HGF: variants seen among roughly 807,000 people sequenced by gnomAD.
HGF encodes fibroblast-derived tumor cytotoxic factor.
In HGF, 39 loss-of-function variants were observed where a neutral mutation model predicts 111.6. The ratio of observed to expected loss-of-function variants is 0.35; its 90% CI spans 0.27 to 0.46. HGF has a LOEUF of 0.46. Among genes scored for constraint, HGF ranks in the 20% least tolerant of loss-of-function variants. The pLI, the probability that HGF is intolerant of heterozygous loss-of-function variation, is 1.00. For missense variants in HGF, 735 were observed against 910.5 expected, an observed-to-expected ratio of 0.81 and a Z score of 2.48; for synonymous variants, 285 against 294.8, an observed-to-expected ratio of 0.97 and a Z score of 0.34.
intron 6 of HGF, 100 bp downstream of exon 6, chr7:81,744,900 G>A (rs750954731): frequency 1.7e-4 from 226 of 1,309,936 alleles, no homozygotes; most frequent in Non-Finnish European, 2.3e-4. Context: ...ATGTCCTATC[G>A]GGAAAACATA....
At chr7:81,712,511 A>C (rs533804992) in intron 11 of HGF, among the ~76,000 whole-genome samples, 1 of 152,304 alleles carries the variant, frequency 6.6e-6, no homozygotes, top group Non-Finnish European at 1.5e-5. Flanking sequence ...ACTACAAATT[A>C]ATTCTAATTA....
At position 81,705,520 on chromosome 7, in the gene HGF, C is replaced by T. The variant is rs770723689; in HGVS notation, c.1880G>A (p.Gly627Asp). 135 of 1,612,186 alleles carry T rather than the reference C, an allele frequency of 8.4e-5. No individual in the cohort carries two copies. Among genetic ancestry groups the T allele is most frequent in the Non-Finnish European group, 1.1e-4 (132 of 1,178,906 alleles). The change falls in exon 17 of 18, where the codon GGC (glycine) becomes GAC (aspartate). Residue 627 changes from glycine (G) to aspartate (D), a missense_variant. By Grantham distance (94) the Gly-to-Asp change is moderately conservative. This residue lies in a region of HGF where 130 missense variants were observed against 129.9 expected (regional missense o/e 1.00). Transcript: ENST00000222390. Reference sequence around the variant, plus strand: ...ATAGAGATGTGCCACTCGTAATAGGCCATCATAGTTGATCACTAGATTGAT... The same window carrying T: ...ATAGAGATGTGCCACTCGTAATAGGTCATCATAGTTGATCACTAGATTGAT... ...WGYTGLINYDGLLRVAHLYIM... is the reference protein window; with the variant it reads ...WGYTGLINYDDLLRVAHLYIM...
chr7:81,756,063 A>G, intron 4 of HGF: 1 of 701,712 alleles, frequency 1.4e-6, no homozygotes, highest in Non-Finnish European at 2.6e-6. Flanking sequence ...CATCACCACC[A>G]CTGCAAAAAC....
intron 7 of HGF, among the ~76,000 whole-genome samples, chr7:81,741,208 T>C (rs1787989412): frequency 6.6e-6 from 1 of 152,214 alleles, no homozygotes; most frequent in South Asian, 2.1e-4. Context: ...TTTAATAAAA[T>C]ATTTCCAAAA....
intron 7 of HGF, chr7:81,742,842 G>A (rs749331243): frequency 2.5e-6 from 4 of 1,586,714 alleles, no homozygotes; most frequent in Non-Finnish European, 3.4e-6. Context: ...CAGCTATAAA[G>A]ATTAGAGACA....
Position 81,757,323 on chromosome 7 carries a change from A to G in HGF, c.368-20T>C, listed in dbSNP as rs778092625. On this transcript the variant is annotated intron_variant, in intron 3 of 17. Coordinates refer to ENST00000222390, the MANE Select transcript of HGF (RefSeq NM_000601.6). The stretch of plus-strand genomic sequence containing the variant: ...TGTAGTCTATTGAAGAAAGTAGATA[A>G]AATTATTGCAACTATGCAAAACATA... 5.8e-5 allele frequency: 74 copies of G among 1,279,908 alleles called. No homozygotes were observed. Among genetic ancestry groups the G allele is most frequent in the Middle Eastern group, 3.6e-4 (2 of 5,496 alleles). The allele number at this position is 1,279,908 out of a possible 1,614,324, so 79.3% of individuals were successfully genotyped here.
intron 17 of HGF, among the ~76,000 whole-genome samples, chr7:81,703,119 T>C (rs1304391529): frequency 1.3e-5 from 2 of 151,724 alleles, no homozygotes; most frequent in East Asian, 3.9e-4. Flanking sequence ...TATTTTGATC[T>C]TCTTATGTTC....
chr7:81,754,001 C>T (rs1788630120), intron 4 of HGF, among the ~76,000 whole-genome samples: 1 of 151,882 alleles, frequency 6.6e-6, no homozygotes, highest in African/African-American at 2.4e-5. Flanking sequence ...TCAAATGTGA[C>T]TTTTGCTTTA....
intron 13 of HGF, 34 bp downstream of exon 13, chr7:81,710,113 T>C (rs752347782): frequency 1.5e-6 from 2 of 1,332,284 alleles, no homozygotes; most frequent in African/African-American, 1.4e-5. Context: ...GTACATATTC[T>C]GGATATGCAT....
At chr7:81,718,452 T>C (rs971491866) in intron 10 of HGF, among the ~76,000 whole-genome samples, 3 of 152,168 alleles carry the variant, frequency 2.0e-5, no homozygotes, top group African/African-American at 7.2e-5. Flanking sequence ...TTTGAACCCA[T>C]GGCTATTTCA....
intron 15 of HGF, among the ~76,000 whole-genome samples, 153 bp from the exon 16 acceptor site, chr7:81,705,906 T>C (rs1476959193): frequency 6.7e-6 from 1 of 149,774 alleles, no homozygotes; most frequent in Non-Finnish European, 1.5e-5. Flanking sequence ...TGTCCAAATG[T>C]AATGATGACA....
At position 81,702,664 on chromosome 7, in the gene HGF, G is replaced by A. The variant is rs1383506132; in HGVS notation, c.2104C>T (p.Arg702Cys). The change falls in exon 18 of 18, where the codon CGT becomes TGT. Residue 702 changes from arginine (R) to cysteine (C), a missense_variant. This residue lies in a region of HGF where 52 missense variants were observed against 95.0 expected (regional missense o/e 0.55). Coordinates refer to ENST00000222390, the MANE Select transcript of HGF (RefSeq NM_000601.6). Reference protein sequence around the residue: ...VPGRGCAIPNRPGIFVRVAYY... With the variant: ...VPGRGCAIPNCPGIFVRVAYY... ...GCTACTCGGACAAAAATACCAGGAC[G>A]ATTTGGAATGGCACATCCACGACCA... The A allele has an allele frequency of 6.2e-7, 1 of 1,611,226 alleles. No homozygotes were observed. The highest frequency in any genetic ancestry group is 8.5e-7 in the Non-Finnish European group (1 of 1,178,150).
intron 17 of HGF, among the ~76,000 whole-genome samples, chr7:81,704,780 A>C (rs1414926798): frequency 6.6e-6 from 1 of 151,760 alleles, no homozygotes; most frequent in African/African-American, 2.4e-5. Flanking sequence ...AATCTAACTA[A>C]ACTAACAGTT....
chr7:81,752,106 T>G lies in HGF; in HGVS notation c.625+14A>C. 6.2e-7 allele frequency: 1 copy of G among 1,613,388 alleles called. No homozygotes were observed. On this transcript the variant is annotated intron_variant, in intron 5 of 17. Coordinates refer to ENST00000222390, the MANE Select transcript of HGF (RefSeq NM_000601.6). ...GGGAATAGAATGGCCCACATGGCAT[T>G]CAGGTTTATTTACCTTCTGAACACT...
intron 9 of HGF, among the ~76,000 whole-genome samples, chr7:81,723,082 C>T (rs974859050): frequency 1.2e-4 from 18 of 151,856 alleles, no homozygotes; most frequent in African/African-American, 3.9e-4. Flanking sequence ...CCTTAGTACC[C>T]GGGCGATGAA....
chr7:81,756,993 G>T, intron 4 of HGF, 196 bp downstream of exon 4: 1 of 596,966 alleles, frequency 1.7e-6, no homozygotes, highest in Non-Finnish European at 3.0e-6. Context: ...ATATTGTTTT[G>T]GCTACATTTT....
Position 81,705,500 on chromosome 7 carries a change from G to C in HGF, c.1900C>G (p.Leu634Val), listed in dbSNP as rs779267373. Residue 634 changes from leucine to valine, a missense_variant, in exon 17 of 18, where the codon CTC becomes GTC. This residue lies in a region of HGF where 130 missense variants were observed against 129.9 expected (regional missense o/e 1.00). Transcript: ENST00000222390. Reference sequence around the variant, plus strand: ...CATTTCTCATTTCCCATTATATAGAGATGTGCCACTCGTAATAGGCCATCA... The same window carrying C: ...CATTTCTCATTTCCCATTATATAGACATGTGCCACTCGTAATAGGCCATCA... ...NYDGLLRVAH[L>V]YIMGNEKCSQ... is the part of the protein sequence containing the mutation. 9 of 1,612,422 alleles carry C rather than the reference G, an allele frequency of 5.6e-6. No homozygotes were observed. Among genetic ancestry groups the C allele is most frequent in the East Asian group, 2.2e-5 (1 of 44,814 alleles).
intron 2 of HGF, among the ~76,000 whole-genome samples, chr7:81,760,019 CTCAT>C (rs1345042907): frequency 9.9e-5 from 15 of 152,112 alleles, no homozygotes; most frequent in African/African-American, 3.6e-4. Flanking sequence ...GTTTGCTGAT[CTCAT>C]TCACTCTTTC....
In HGF at chr7:81,710,211, A is replaced by G. The variant is rs768896096; in HGVS notation, c.1477T>C (p.Leu493=). The G allele has an allele frequency of 1.4e-5, 23 of 1,613,702 alleles. No homozygotes were observed. The South Asian group carries it at 2.3e-4, about 16-fold the overall frequency. The change falls in exon 13 of 18, where the codon TTG becomes CTG. Residue 493 remains leucine (L), a synonymous_variant. Transcript: ENST00000222390. ...GTTGGAATCCCATTTACAACTCGCAATTGTTTCGTTTTGGCACAAGATATT... is the reference window on the plus strand; with the variant it reads ...GTTGGAATCCCATTTACAACTCGCAGTTGTTTCGTTTTGGCACAAGATATT... ...PVISCAKTKQ[L]RVVNGIPTRT... is the part of the protein sequence containing the mutation.
Sources: allele counts gnomAD v4.1 joint callset (sites outside exome capture counted in the v4.1 genomes callset), GRCh38; gene constraint gnomAD v4.1.1; regional missense constraint gnomAD v4.1.1; transcripts MANE v1.5; gene names NCBI Gene and HGNC (gene_info 2026-07-23, HGNC 2026-07-21).